The following LRBA variants were observed in gnomAD, a reference collection of about 807,000 sequenced individuals.
The protein encoded by LRBA is LPS responsive beige-like anchor protein.
Under a neutral mutation model 330.0 loss-of-function variants are expected in LRBA, and 176 were observed. That is an observed-to-expected ratio of 0.53 (90% CI 0.47 to 0.60). The LOEUF (loss-of-function observed/expected upper bound fraction) is 0.60, where lower values mean the gene tolerates loss of function less well. LRBA is among the 20% of genes least tolerant of loss of function. The pLI, the probability that LRBA is intolerant of heterozygous loss-of-function variation, is 0.00. For synonymous variants in LRBA, 1,230 were observed against 1,193.0 expected, an observed-to-expected ratio of 1.03 and a Z score of -0.64; for missense variants, 3,259 against 3,444.8, an observed-to-expected ratio of 0.95 and a Z score of 1.35.
chr4:150,587,060 C>G (rs1772197916), intron 40 of LRBA, among the ~76,000 whole-genome samples: 1 of 152,072 alleles, frequency 6.6e-6, no homozygotes, highest in South Asian at 2.1e-4. Flanking sequence ...ATACAATCTA[C>G]CAAGTCCTGT....
At chr4:150,747,672 CAAT>C (rs1732937189) in intron 35 of LRBA, among the ~76,000 whole-genome samples, 2 of 152,154 alleles carry the variant, frequency 1.3e-5, no homozygotes, top group South Asian at 4.1e-4. Flanking sequence ...TTAACTTTTG[CAAT>C]AATACATAGC....
chr4:150,872,610 A>C, intron 18 of LRBA, 53 bp downstream of exon 18: 1 of 1,198,290 alleles, frequency 8.3e-7, no homozygotes, highest in Non-Finnish European at 1.2e-6. Flanking sequence ...GCAAAGATTT[A>C]TAAAATAAAT....
chr4:150,889,745 T>C (rs925869376), intron 17 of LRBA, among the ~76,000 whole-genome samples: 2 of 152,220 alleles, frequency 1.3e-5, no homozygotes, highest in African/African-American at 4.8e-5. Flanking sequence ...TGGGGACCTC[T>C]GTTTTAGAAT....
intron 34 of LRBA, among the ~76,000 whole-genome samples, chr4:150,762,776 G>A (rs904532251): frequency 1.3e-5 from 2 of 151,214 alleles, no homozygotes; most frequent in Non-Finnish European, 3.0e-5. Context: ...ATCTTTTTTT[G>A]TTCTTTCATA....
rs1244342465 is a variant in LRBA at position 150,372,177 on chromosome 4, C to T, written c.7195-22018G>A. Reference sequence around the variant, plus strand: ...AATTACAAAGATAATACAATAAAAACAACCAGTAAGTGTTTGCTTACTATT... The same window carrying T: ...AATTACAAAGATAATACAATAAAAATAACCAGTAAGTGTTTGCTTACTATT... On this transcript the variant is annotated intron_variant, in intron 47 of 56. Coordinates refer to ENST00000651943, the MANE Select transcript of LRBA (RefSeq NM_001364905.1). 2.6e-5 allele frequency among the ~76,000 whole-genome samples: 4 copies of T among 152,260 alleles called. No individual in the cohort carries two copies. In the East Asian group the frequency reaches 5.8e-4, roughly 22 times the overall value.
chr4:150,277,959 C>T lies in LRBA; in HGVS notation c.8362G>A (p.Asp2788Asn), dbSNP rs780858983. The change falls in exon 56 of 57, where the codon GAC (aspartate) becomes AAC (asparagine). Residue 2788 changes from aspartate to asparagine, a missense_variant. Coordinates refer to ENST00000651943, the MANE Select transcript of LRBA (RefSeq NM_001364905.1). ...TGCCGGACCACGACCACTCCTCTGT[C>T]TCCTCCTGTGAGCAGGTACTGCCCA... ...RDGQYLLTGGDRGVVVVRQVS... is the reference protein window; with the variant it reads ...RDGQYLLTGGNRGVVVVRQVS... The T allele has an allele frequency of 1.4e-5, 23 of 1,614,184 alleles. No homozygotes were observed. The South Asian group carries it at 2.3e-4, about 16-fold the overall frequency.
Position 150,953,871 on chromosome 4 carries a change from A to T in LRBA, c.217-24806T>A, listed in dbSNP as rs13119502. Among the ~76,000 whole-genome samples the T allele has an allele frequency of 4.1e-5, 6 of 146,410 alleles. No individual in the cohort carries two copies. In the East Asian group the frequency reaches 1.3e-3, roughly 31 times the overall value. On this transcript the variant is annotated intron_variant, in intron 2 of 56. Coordinates refer to ENST00000651943, the MANE Select transcript of LRBA (RefSeq NM_001364905.1). ...CTCTGCCTGGCTGCCCAGTCTGGGAAGTGAGGAGCGCCTCTTCCCGGCCGT... is the reference window on the plus strand; with the variant it reads ...CTCTGCCTGGCTGCCCAGTCTGGGATGTGAGGAGCGCCTCTTCCCGGCCGT...
At chr4:150,441,406 A>T (rs1751827085) in intron 44 of LRBA, among the ~76,000 whole-genome samples, 1 of 152,268 alleles carries the variant, frequency 6.6e-6, no homozygotes, top group South Asian at 2.1e-4. Flanking sequence ...TACGAAAAGC[A>T]TAAGAAATAT....
intron 50 of LRBA, among the ~76,000 whole-genome samples, 194 bp downstream of exon 50, chr4:150,320,997 A>T (rs1233915256): frequency 6.6e-6 from 1 of 152,162 alleles, no homozygotes. Context: ...GAAGCTAAAA[A>T]GTAGTTTATG....
At chr4:150,514,396 T>C (rs543896914) in intron 40 of LRBA, among the ~76,000 whole-genome samples, 2 of 152,140 alleles carry the variant, frequency 1.3e-5, no homozygotes, top group Middle Eastern at 3.4e-3. Flanking sequence ...CCTGACAACC[T>C]GGATGATATC....
At chr4:150,728,917 T>C (rs918943337) in intron 36 of LRBA, among the ~76,000 whole-genome samples, 8 of 152,202 alleles carry the variant, frequency 5.3e-5, no homozygotes, top group Non-Finnish European at 1.0e-4. Flanking sequence ...ATTATCTTTA[T>C]TTGCAGATGA....
intron 17 of LRBA, among the ~76,000 whole-genome samples, chr4:150,878,417 C>T (rs898211188): frequency 1.3e-5 from 2 of 151,918 alleles, no homozygotes; most frequent in African/African-American, 2.4e-5. Flanking sequence ...AACAATCTAA[C>T]ATCACACCTA....
chr4:150,921,099 A>C, intron 5 of LRBA, 99 bp downstream of exon 5: 1 of 725,446 alleles, frequency 1.4e-6, no homozygotes, highest in South Asian at 1.8e-5. Flanking sequence ...AGAAGTTTCT[A>C]CCTAGCACAG....
intron 34 of LRBA, 83 bp downstream of exon 34, chr4:150,797,998 A>G: frequency 1.2e-6 from 1 of 867,366 alleles, no homozygotes; most frequent in African/African-American, 1.7e-5. Context: ...CAAAAATTTC[A>G]GTAATGCAAA....
chr4:150,920,077 T>TTGTA (rs1487819928), intron 5 of LRBA, among the ~76,000 whole-genome samples: 2 of 152,176 alleles, frequency 1.3e-5, no homozygotes, highest in Non-Finnish European at 2.9e-5. Context: ...TCAAAGAAAG[T>TTGTA]TGTATATTGT....
intron 36 of LRBA, among the ~76,000 whole-genome samples, chr4:150,718,357 G>T (rs539749406): frequency 6.6e-5 from 10 of 152,008 alleles, no homozygotes; most frequent in Admixed American, 6.5e-4. Context: ...ATCTTTTTTT[G>T]CAGAAGAAGG....
rs78563281 is a variant in LRBA, at chr4:150,285,964, C to T, written c.8088G>A (p.Ala2696=). ...DYEVTCAAVC[A]ELGLVLSGSQ... is the part of the protein sequence containing the mutation. ...AACCACTCAACACCAGGCCTAGCTC[C>T]GCACACACCGCAGCACATGTGACCT... Residue 2696 remains alanine, a synonymous_variant, in exon 54 of 57, where the codon GCG becomes GCA. Transcript: ENST00000651943. 9.3e-4 allele frequency: 1,487 copies of T among 1,596,852 alleles called. 14 individuals are homozygous for T. The African/African-American group carries it at 0.017, about 19-fold the overall frequency.
At chr4:150,727,883 A>G (rs1729914501) in intron 36 of LRBA, among the ~76,000 whole-genome samples, 1 of 152,186 alleles carries the variant, frequency 6.6e-6, no homozygotes, top group African/African-American at 2.4e-5. Flanking sequence ...GAAATAAATG[A>G]ATTTGAAATG....
At chr4:150,518,695 C>T (rs1762617136) in intron 40 of LRBA, among the ~76,000 whole-genome samples, 1 of 152,080 alleles carries the variant, frequency 6.6e-6, no homozygotes, top group African/African-American at 2.4e-5. Flanking sequence ...CTATCAGGCA[C>T]CAAATATTCA....
Sources: allele counts gnomAD v4.1 joint callset (sites outside exome capture counted in the v4.1 genomes callset), GRCh38; gene constraint gnomAD v4.1.1; transcripts MANE v1.5; gene names NCBI Gene and HGNC (gene_info 2026-07-23, HGNC 2026-07-21).